Variants in NEK1 observed in about 807,000 individuals in gnomAD.
NEK1 encodes the protein NIMA related kinase 1.
In NEK1, 137 loss-of-function variants were observed where a neutral mutation model predicts 182.1. That is an observed-to-expected ratio of 0.75 (90% CI 0.65 to 0.87). The LOEUF is 0.87. Among genes scored for constraint, NEK1 ranks in the 40% least tolerant of loss-of-function variants. The pLI is 0.00. For synonymous variants in NEK1, 513 were observed against 492.2 expected, an observed-to-expected ratio of 1.04 and a Z score of -0.56; for missense variants, 1,391 against 1,494.4, an observed-to-expected ratio of 0.93 and a Z score of 1.14.
chr4:169,486,135 G>A (rs1346320076), intron 23 of NEK1, among the ~76,000 whole-genome samples: 2 of 151,896 alleles, frequency 1.3e-5, no homozygotes, highest in Non-Finnish European at 2.9e-5. Context: ...ATAAAACATT[G>A]ACCTGAAAGT....
intron 32 of NEK1, among the ~76,000 whole-genome samples, chr4:169,404,166 A>T (rs933421575): frequency 1.3e-5 from 2 of 152,182 alleles, no homozygotes; most frequent in Non-Finnish European, 2.9e-5. Flanking sequence ...TGGGAAAAAA[A>T]TTTTAGTTAG....
At chr4:169,419,610 G>A (rs75031652) in intron 31 of NEK1, among the ~76,000 whole-genome samples, 4 of 152,316 alleles carry the variant, frequency 2.6e-5, no homozygotes, top group African/African-American at 4.8e-5. Flanking sequence ...CAGGCAGGAC[G>A]GGAATGGAAG....
At chr4:169,592,757 A>ATTTAATGAGGATATTTATTTAATGAG (rs1455840455) in intron 5 of NEK1, among the ~76,000 whole-genome samples, 5 of 152,040 alleles carry the variant, frequency 3.3e-5, no homozygotes, top group African/African-American at 9.7e-5. Context: ...AGGATTACAT[A>ATTTAATGAGGATATTTATTTAATGAG]GATTGTTAAG....
At chr4:169,558,464 G>A (rs1216083308) in intron 16 of NEK1, among the ~76,000 whole-genome samples, 2 of 152,164 alleles carry the variant, frequency 1.3e-5, no homozygotes, top group Non-Finnish European at 2.9e-5. Flanking sequence ...CCACTGATCT[G>A]CTTTCCGTCA....
In NEK1 at chr4:169,423,859, A is replaced by G. The variant is rs76047196; in HGVS notation, c.3222+694T>C. Among the ~76,000 whole-genome samples, 1,258 of 152,298 alleles carry G rather than the reference A, an allele frequency of 8.3e-3. 14 individuals carry two copies. The highest frequency in any genetic ancestry group is 0.029 in the African/African-American group (1,190 of 41,574). ...AGTTATTTATGATGATATAAAGAGA[A>G]TATGTGACAATGACAAAGTGCTATT... is the stretch of plus-strand genomic sequence containing the variant. On this transcript the variant is annotated intron_variant, in intron 31 of 35. Transcript: ENST00000507142.
intron 19 of NEK1, among the ~76,000 whole-genome samples, chr4:169,536,196 C>T (rs901448104): frequency 4.6e-5 from 7 of 150,908 alleles, no homozygotes; most frequent in Non-Finnish European, 7.4e-5. Context: ...ACTTGGGAGG[C>T]TGAGGCATGA....
intron 23 of NEK1, among the ~76,000 whole-genome samples, chr4:169,495,959 T>C (rs1751176979): frequency 6.6e-6 from 1 of 152,208 alleles, no homozygotes; most frequent in Admixed American, 6.5e-5. Context: ...GGTAGCTTGA[T>C]GGGGATGGCA....
At chr4:169,459,376 C>T (rs191536135) in intron 27 of NEK1, among the ~76,000 whole-genome samples, 4 of 152,212 alleles carry the variant, frequency 2.6e-5, no homozygotes, top group Non-Finnish European at 4.4e-5. Context: ...AAATCCAAAA[C>T]ACTGACAACA....
intron 6 of NEK1, among the ~76,000 whole-genome samples, chr4:169,590,363 A>G (rs897082485): frequency 6.8e-6 from 1 of 147,692 alleles, no homozygotes; most frequent in Non-Finnish European, 1.5e-5. Context: ...CAAAAGGCAC[A>G]TACTTCATAA....
chr4:169,473,516 C>T (rs1247600160), intron 26 of NEK1, among the ~76,000 whole-genome samples: 1 of 151,936 alleles, frequency 6.6e-6, no homozygotes, highest in Non-Finnish European at 1.5e-5. Context: ...CACATGTACA[C>T]CCTGAATCTA....
In NEK1 at chr4:169,400,339, C is replaced by T. The variant is rs201313732; in HGVS notation, c.3733G>A (p.Asp1245Asn). ...TTTGAACAAATTTCAATATTTTCAT[C>T]TTCATCTTCATGAATAGCCTATACC... ...EKIKAIHEDE[D>N]ENIEICSKIV... Residue 1245 changes from aspartate (D) to asparagine (N), a missense_variant, in exon 35 of 36, where the codon GAT (aspartate) becomes AAT (asparagine). Physicochemically the swap from Asp to Asn is conservative, Grantham distance 23 (BLOSUM62 1). This residue lies in a region of NEK1 where 1,216 missense variants were observed against 1,277.6 expected (regional missense o/e 0.95). Transcript: ENST00000507142. The T allele has an allele frequency of 6.6e-7, 1 of 1,523,764 alleles. No individual in the cohort carries two copies. The highest frequency in any genetic ancestry group is 8.9e-7 in the Non-Finnish European group (1 of 1,126,196). 94.4% of individuals were successfully genotyped at this position (1,523,764 alleles called of 1,614,324 possible).
intron 27 of NEK1, among the ~76,000 whole-genome samples, chr4:169,452,790 CAT>C (rs1742083020): frequency 6.6e-6 from 1 of 152,156 alleles, no homozygotes. Flanking sequence ...TCCTATTCAA[CAT>C]AGTGTTGGAA....
rs571671888 is a variant in NEK1 at position 169,537,821 on chromosome 4, G to A, written c.1653C>T (p.Ala551=). 10 of 1,611,918 alleles carry A rather than the reference G, an allele frequency of 6.2e-6. No homozygotes were observed. Among genetic ancestry groups the A allele is most frequent in the East Asian group, 4.5e-5 (2 of 44,812 alleles). The change falls in exon 19 of 36, where the codon GCC becomes GCT. Residue 551 remains alanine (A), a synonymous_variant. Coordinates refer to ENST00000507142, the MANE Select transcript of NEK1 (RefSeq NM_001199397.3). ...ACAAAATTCATACCATATGTCCTTC[G>A]GCTCGAGCTTTATTCTGCATAGCTT... ...KREAMQNKAR[A]EGHMGILQNL...
chr4:169,417,393 T>C (rs188278098), intron 31 of NEK1, among the ~76,000 whole-genome samples: 2 of 152,312 alleles, frequency 1.3e-5, no homozygotes, highest in Non-Finnish European at 2.9e-5. Context: ...TTTGACATAA[T>C]TTATAATACT....
At chr4:169,417,426 TTGGACAA>T (rs1178224441) in intron 31 of NEK1, among the ~76,000 whole-genome samples, 3 of 152,306 alleles carry the variant, frequency 2.0e-5, no homozygotes, top group Non-Finnish European at 4.4e-5. Flanking sequence ...TGGTTTCTAT[TTGGACAA>T]TGGATTTCAC....
rs749867675 is a variant in NEK1 at position 169,555,937 on chromosome 4, T to C, written c.1425A>G (p.Pro475=). 6.2e-7 allele frequency: 1 copy of C among 1,613,580 alleles called. No individual in the cohort carries two copies. The highest frequency in any genetic ancestry group is 8.5e-7 in the Non-Finnish European group (1 of 1,179,672). ...TCTGCAGAACATAGCCATACCTTTC[T>C]GGAAGACCTCGACCATATATTTCTC... ...WKREIYGRGL[P]ERGILPGVRP... is the part of the protein sequence containing the mutation. Residue 475 remains proline (P), a synonymous_variant, in exon 17 of 36, where the codon CCA becomes CCG. Coordinates refer to ENST00000507142, the MANE Select transcript of NEK1 (RefSeq NM_001199397.3).
At chr4:169,430,704 T>C (rs150140538) in intron 29 of NEK1, among the ~76,000 whole-genome samples, 86 of 152,322 alleles carry the variant, frequency 5.6e-4, no homozygotes, top group African/African-American at 2.0e-3. Context: ...TCAAAACTTG[T>C]AGAATGTACC....
chr4:169,452,637 T>G (rs575503994), intron 27 of NEK1, among the ~76,000 whole-genome samples: 1 of 152,278 alleles, frequency 6.6e-6, no homozygotes, highest in South Asian at 2.1e-4. Context: ...AAACTCTCAA[T>G]ACACTAGGTA....
chr4:169,413,768 G>C (rs1371039385), intron 31 of NEK1, among the ~76,000 whole-genome samples: 1 of 152,194 alleles, frequency 6.6e-6, no homozygotes, highest in Non-Finnish European at 1.5e-5. Context: ...TGTAATCCTA[G>C]AACTTTGGGA....
Sources: allele counts gnomAD v4.1 joint callset (sites outside exome capture counted in the v4.1 genomes callset), GRCh38; gene constraint gnomAD v4.1.1; regional missense constraint gnomAD v4.1.1; transcripts MANE v1.5; gene names NCBI Gene and HGNC (gene_info 2026-07-23, HGNC 2026-07-21).